The following ZMYM6 variants were observed in gnomAD, a reference collection of about 807,000 sequenced individuals.
ZMYM6 encodes zinc finger MYM-type containing 6, also known as zinc finger MYM-type protein 6.
A neutral mutation model predicts 134.0 loss-of-function variants in ZMYM6; 90 were observed. The ratio of observed to expected loss-of-function variants is 0.67; its 90% CI spans 0.57 to 0.80. The LOEUF is 0.80. Ranked by LOEUF, ZMYM6 falls within the 30% of genes least tolerant of loss-of-function variation. The pLI is 0.00. For missense variants in ZMYM6, 1,362 were observed against 1,533.9 expected, an observed-to-expected ratio of 0.89 and a Z score of 1.87; for synonymous variants, 481 against 524.1, an observed-to-expected ratio of 0.92 and a Z score of 1.12.
At chr1:35,004,534 G>C (rs1197186554) in intron 13 of ZMYM6, among the ~76,000 whole-genome samples, 1 of 151,918 alleles carries the variant, frequency 6.6e-6, no homozygotes, top group African/African-American at 2.4e-5. Context: ...GCTTGAACTC[G>C]GGAGGCGGAG....
At chr1:35,031,354 C>CAATT (rs1263584632) in intron 1 of ZMYM6, 1 of 152,268 alleles carries the variant, frequency 6.6e-6, no homozygotes, top group African/African-American at 2.4e-5. Flanking sequence ...AAAAGAAACT[C>CAATT]AATTGGCCAT....
rs780603511 is a variant in ZMYM6 at position 35,017,459 on chromosome 1, T to C, written c.428+1894A>G. 6 of 152,302 alleles carry C rather than the reference T, an allele frequency of 3.9e-5. No individual in the cohort carries two copies. The East Asian group carries it at 5.8e-4, about 15-fold the overall frequency. 9.4% of individuals were successfully genotyped at this position (152,302 alleles called of 1,614,324 possible). A position where few individuals can be genotyped will look rare whatever the true frequency, so the allele number is the denominator to read the frequency against. On this transcript the variant is annotated intron_variant, in intron 4 of 15. Transcript: ENST00000357182. ...AGTACAAAAATAGCAAGTAAAAATA[T>C]GTAAATCAAAGAGAATGACTTTATA... is the stretch of plus-strand genomic sequence containing the variant.
At chr1:35,015,743 A>AAAAAAAAAAATAT in intron 4 of ZMYM6, among the ~76,000 whole-genome samples, 3 of 106,464 alleles carry the variant, frequency 2.8e-5, no homozygotes, top group South Asian at 2.6e-4. Context: ...AAAAAAAAAA[A>AAAAAAAAAAATAT]ATATATATAT....
chr1:35,013,244 C>A (rs1296389347), intron 6 of ZMYM6: 1 of 750,582 alleles, frequency 1.3e-6, no homozygotes, highest in Non-Finnish European at 1.6e-6. Flanking sequence ...TCAAAAATTA[C>A]ATTAACAAAA....
At chr1:35,009,055 C>T in intron 10 of ZMYM6, 131 bp from the exon 11 acceptor site, 2 of 915,170 alleles carry the variant, frequency 2.2e-6, no homozygotes, top group Non-Finnish European at 3.2e-6. Flanking sequence ...CTCTAGATTA[C>T]AGGACAGTCT....
At chr1:35,007,826 G>A (rs1365061063) in intron 11 of ZMYM6, among the ~76,000 whole-genome samples, 1 of 151,862 alleles carries the variant, frequency 6.6e-6, no homozygotes. Context: ...GCTGGGGGAT[G>A]GGGGGTGGGC....
chr1:35,029,269 A>G lies in ZMYM6; in HGVS notation c.93+1278T>C, dbSNP rs116184838. Among the ~76,000 whole-genome samples, 256 of 152,326 alleles carry G rather than the reference A, an allele frequency of 1.7e-3. 3 individuals are homozygous for G. Among genetic ancestry groups the G allele is most frequent in the African/African-American group, 5.8e-3 (241 of 41,584 alleles). On this transcript the variant is annotated intron_variant, in intron 2 of 15. Transcript: ENST00000357182. Reference sequence around the variant, plus strand: ...AGGTCTGCTACGTCCTACATAATCCAGCCTTAAACTATATATACAGCCTTA... The same window carrying G: ...AGGTCTGCTACGTCCTACATAATCCGGCCTTAAACTATATATACAGCCTTA...
intron 14 of ZMYM6, among the ~76,000 whole-genome samples, chr1:35,000,164 G>A (rs1046271168): frequency 6.6e-6 from 1 of 151,982 alleles, no homozygotes; most frequent in Non-Finnish European, 1.5e-5. Context: ...TCAAACTCCT[G>A]GACTCAAGTG....
At chr1:35,016,494 C>G (rs570343405) in intron 4 of ZMYM6, among the ~76,000 whole-genome samples, 10 of 152,204 alleles carry the variant, frequency 6.6e-5, no homozygotes, top group South Asian at 4.1e-4. Context: ...CCTGGTAAAA[C>G]AGAGGTTAAG....
At chr1:34,991,978 A>C (rs1335503016) in intron 15 of ZMYM6, 1 of 469,756 alleles carries the variant, frequency 2.1e-6, no homozygotes, top group Admixed American at 3.5e-5. Flanking sequence ...AGTATTTAAA[A>C]AAAAAAACAG....
chr1:34,996,499 C>G (rs1338619719), intron 14 of ZMYM6, among the ~76,000 whole-genome samples: 1 of 152,136 alleles, frequency 6.6e-6, no homozygotes, highest in Admixed American at 6.5e-5. Context: ...ATTCAATTAT[C>G]CTTAGAGGCA....
chr1:34,988,415 T>A lies in ZMYM6; in HGVS notation c.2667A>T (p.Glu889Asp). The A allele has an allele frequency of 1.3e-6, 2 of 1,551,626 alleles. No individual in the cohort carries two copies. Among genetic ancestry groups the A allele is most frequent in the Non-Finnish European group, 1.7e-6 (2 of 1,146,954 alleles). The change falls in exon 16 of 16, where the codon GAA (glutamate) becomes GAT (aspartate). Residue 889 changes from glutamate (E) to aspartate (D), a missense_variant. Around this residue, in one of 3 missense-constraint regions of ZMYM6, gnomAD observed 824 missense variants for 940.9 expected, o/e 0.88. Transcript: ENST00000357182. The stretch of plus-strand genomic sequence containing the variant: ...GCTGGTCTTCAATGTCTGCAGATAG[T>A]TCATCAATCCTGTGTTGAATTGTAA... ...SNVTIQHRID[E>D]LSADIEDQLI...
chr1:35,030,505 A>T (rs1294066220), intron 2 of ZMYM6, 42 bp downstream of exon 2: 5 of 1,569,918 alleles, frequency 3.2e-6, no homozygotes, highest in Non-Finnish European at 4.3e-6. Context: ...GATGGAAAAG[A>T]AGGAATTTTT....
chr1:34,999,658 A>G (rs1640846750), intron 14 of ZMYM6, among the ~76,000 whole-genome samples: 1 of 152,236 alleles, frequency 6.6e-6, no homozygotes. Flanking sequence ...AAACAGAAAT[A>G]TAAGCAAACC....
chr1:35,006,679 T>C (rs1287846867), intron 12 of ZMYM6, among the ~76,000 whole-genome samples: 1 of 152,220 alleles, frequency 6.6e-6, no homozygotes, highest in African/African-American at 2.4e-5. Flanking sequence ...TACAGATACA[T>C]TCAATCAAAA....
chr1:34,999,991 T>C (rs1640852151), intron 14 of ZMYM6, among the ~76,000 whole-genome samples: 1 of 152,128 alleles, frequency 6.6e-6, no homozygotes, highest in Admixed American at 6.5e-5. Flanking sequence ...TGCAATGGTG[T>C]GATCTCAGCT....
intron 6 of ZMYM6, chr1:35,013,303 C>A (rs1641122473): frequency 1.1e-6 from 1 of 907,642 alleles, no homozygotes; most frequent in South Asian, 5.1e-5. Context: ...AAACTCATTT[C>A]ATCAGGCTCC....
chr1:35,013,449 A>G, intron 6 of ZMYM6: 1 of 984,052 alleles, frequency 1.0e-6, no homozygotes, highest in Non-Finnish European at 1.2e-6. Flanking sequence ...GACAGAGTAC[A>G]ATACTAGTAA....
intron 4 of ZMYM6, 103 bp from the exon 5 acceptor site, chr1:35,015,265 T>C (rs759650406): frequency 8.6e-7 from 1 of 1,157,642 alleles, no homozygotes; most frequent in Non-Finnish European, 1.2e-6. Context: ...AGGTACTGTA[T>C]GGTAGAAAAA....
Sources: allele counts gnomAD v4.1 joint callset (sites outside exome capture counted in the v4.1 genomes callset), GRCh38; gene constraint gnomAD v4.1.1; regional missense constraint gnomAD v4.1.1; transcripts MANE v1.5; gene names NCBI Gene and HGNC (gene_info 2026-07-23, HGNC 2026-07-21).